Variants in SEMA3E observed in about 807,000 individuals in gnomAD.
SEMA3E encodes semaphorin-3E.
Under a neutral mutation model 93.6 loss-of-function variants are expected in SEMA3E, and 49 were observed. The ratio of observed to expected loss-of-function variants is 0.52; its 90% CI spans 0.42 to 0.66. SEMA3E has a LOEUF of 0.66. Among genes scored for constraint, SEMA3E ranks in the 30% least tolerant of loss-of-function variants. The probability of loss-of-function intolerance (pLI) is 0.00; values close to 1 mark genes in which losing one functional copy is unlikely to be tolerated. For synonymous variants in SEMA3E, 363 were observed against 330.7 expected, an observed-to-expected ratio of 1.10 and a Z score of -1.06; for missense variants, 906 against 964.8, an observed-to-expected ratio of 0.94 and a Z score of 0.81.
intron 1 of SEMA3E, among the ~76,000 whole-genome samples, chr7:83,584,221 G>T (rs2115921080): frequency 6.6e-6 from 1 of 152,100 alleles, no homozygotes; most frequent in African/African-American, 2.4e-5. Context: ...CTTTCTCACA[G>T]CTATAATAAT....
chr7:83,377,278 A>G (rs894635288), intron 16 of SEMA3E, among the ~76,000 whole-genome samples: 9 of 152,032 alleles, frequency 5.9e-5, no homozygotes, highest in African/African-American at 2.2e-4. Context: ...TCCCCCCAAA[A>G]TAGAGGCATT....
Position 83,586,192 on chromosome 7 carries a change from G to T in SEMA3E, c.115+62236C>A, listed in dbSNP as rs78505740. ...AGAAGAAATCCTTATGACAAAGGAG[G>T]CACAGACTGAATTACTTGAGCTCAA... On this transcript the variant is annotated intron_variant, in intron 1 of 16. Transcript: ENST00000643230. 8.5e-3 allele frequency among the ~76,000 whole-genome samples: 1,301 copies of T among 152,210 alleles called. 12 individuals are homozygous for T. Among genetic ancestry groups the T allele is most frequent in the African/African-American group, 0.03 (1,251 of 41,532 alleles).
intron 1 of SEMA3E, among the ~76,000 whole-genome samples, chr7:83,542,039 T>A (rs1220989932): frequency 2.0e-5 from 3 of 152,028 alleles, no homozygotes; most frequent in Non-Finnish European, 4.4e-5. Context: ...TACTGTGTAG[T>A]GACTCAGTGA....
chr7:83,569,501 G>A (rs1792230418), intron 1 of SEMA3E, among the ~76,000 whole-genome samples: 1 of 152,088 alleles, frequency 6.6e-6, no homozygotes, highest in Admixed American at 6.6e-5. Context: ...CATCTCACAT[G>A]TAACAATACC....
At chr7:83,574,936 A>C (rs1792368982) in intron 1 of SEMA3E, among the ~76,000 whole-genome samples, 1 of 152,178 alleles carries the variant, frequency 6.6e-6, no homozygotes, top group African/African-American at 2.4e-5. Context: ...TCAATCACTA[A>C]GTTTTGGGAT....
At chr7:83,393,182 G>T (rs1051928532) in intron 13 of SEMA3E, among the ~76,000 whole-genome samples, 18 of 152,148 alleles carry the variant, frequency 1.2e-4, no homozygotes, top group African/African-American at 4.3e-4. Flanking sequence ...AACTCAAGAA[G>T]CTGTGTTCAT....
intron 16 of SEMA3E, among the ~76,000 whole-genome samples, chr7:83,381,108 A>G (rs1395658263): frequency 6.6e-6 from 1 of 152,004 alleles, no homozygotes; most frequent in Non-Finnish European, 1.5e-5. Context: ...TCTTAATACA[A>G]TAACCAAAGT....
intron 4 of SEMA3E, among the ~76,000 whole-genome samples, chr7:83,433,886 A>T (rs1788939200): frequency 6.6e-6 from 1 of 152,134 alleles, no homozygotes; most frequent in Admixed American, 6.6e-5. Context: ...TTCACTGATA[A>T]AATATACGAT....
intron 1 of SEMA3E, among the ~76,000 whole-genome samples, chr7:83,543,314 T>TA (rs1309088989): frequency 6.6e-6 from 1 of 151,970 alleles, no homozygotes; most frequent in East Asian, 1.9e-4. Flanking sequence ...CTTAAATGTT[T>TA]AACATGTTGT....
chr7:83,551,608 T>C (rs1430513489), intron 1 of SEMA3E, among the ~76,000 whole-genome samples: 1 of 152,160 alleles, frequency 6.6e-6, no homozygotes, highest in Non-Finnish European at 1.5e-5. Flanking sequence ...GGCTCACAGG[T>C]ATATATGTTT....
intron 1 of SEMA3E, among the ~76,000 whole-genome samples, chr7:83,510,517 G>T (rs191396865): frequency 7.5e-4 from 114 of 152,074 alleles, no homozygotes; most frequent in Non-Finnish European, 1.3e-3. Flanking sequence ...GTGTACTTGC[G>T]TGCTTCCAAA....
At chr7:83,371,120 GAATT>G (rs1327882992) in intron 16 of SEMA3E, among the ~76,000 whole-genome samples, 5 of 152,116 alleles carry the variant, frequency 3.3e-5, no homozygotes, top group East Asian at 1.9e-4. Context: ...AAATCAATAT[GAATT>G]AATAAACTAT....
chr7:83,577,259 T>G (rs182869216), intron 1 of SEMA3E, among the ~76,000 whole-genome samples: 20 of 152,302 alleles, frequency 1.3e-4, no homozygotes, highest in African/African-American at 4.8e-4. Context: ...TCTATACTGC[T>G]CCTTTTGTCC....
At chr7:83,577,007 C>T (rs900798738) in intron 1 of SEMA3E, among the ~76,000 whole-genome samples, 3 of 152,118 alleles carry the variant, frequency 2.0e-5, no homozygotes, top group South Asian at 2.1e-4. Flanking sequence ...TATATCATTT[C>T]AATATTTGTA....
intron 9 of SEMA3E, among the ~76,000 whole-genome samples, chr7:83,404,933 A>C (rs1281207098): frequency 6.6e-6 from 1 of 151,970 alleles, no homozygotes; most frequent in African/African-American, 2.4e-5. Flanking sequence ...AGTAATGGGA[A>C]CTAGCAAAGT....
intron 16 of SEMA3E, among the ~76,000 whole-genome samples, chr7:83,376,565 T>C (rs1794825807): frequency 6.6e-6 from 1 of 152,050 alleles, no homozygotes; most frequent in Admixed American, 6.6e-5. Flanking sequence ...ACCATGGTTA[T>C]TAGATTACTC....
intron 4 of SEMA3E, among the ~76,000 whole-genome samples, chr7:83,429,185 G>C (rs1788833574): frequency 6.6e-6 from 1 of 152,076 alleles, no homozygotes; most frequent in Non-Finnish European, 1.5e-5. Flanking sequence ...GATGTTATTA[G>C]CATTTTTTAA....
intron 4 of SEMA3E, among the ~76,000 whole-genome samples, chr7:83,462,912 A>T (rs371404363): frequency 1.8e-5 from 2 of 112,992 alleles, no homozygotes; most frequent in South Asian, 7.4e-4. Flanking sequence ...CTAGATCTCA[A>T]ACATGCTTTC....
rs1239441856 is a variant in SEMA3E at position 83,437,463 on chromosome 7, GA to G, written c.457-18981del. Among the ~76,000 whole-genome samples the G allele has an allele frequency of 4.6e-5, 7 of 151,732 alleles. No individual in the cohort carries two copies. The South Asian group carries it at 6.2e-4, about 14-fold the overall frequency. On this transcript the variant is annotated intron_variant, in intron 4 of 16. Coordinates refer to ENST00000643230, the MANE Select transcript of SEMA3E (RefSeq NM_012431.3). ...AAATTTTATGACTTAAAATTTTAAA[GA>G]AAAAAATCCTACATGAATAACATAA...
Sources: allele counts gnomAD v4.1 joint callset (sites outside exome capture counted in the v4.1 genomes callset), GRCh38; gene constraint gnomAD v4.1.1; transcripts MANE v1.5; gene names NCBI Gene and HGNC (gene_info 2026-07-23, HGNC 2026-07-21).